ABTB3: variants seen among roughly 807,000 people sequenced by gnomAD.
The protein encoded by ABTB3 is ankyrin repeat and BTB domain containing 3.
chr12:107,624,451 A>G, the ABTB3 span, among the ~76,000 whole-genome samples: 1 of 152,000 alleles, frequency 6.6e-6, no homozygotes, highest in African/African-American at 2.4e-5. Context: ...AATTCCCATC[A>G]CCACAAGGAT....
At chr12:107,620,025 G>A in the ABTB3 span, 74 of 1,613,832 alleles carry the variant, frequency 4.6e-5, no homozygotes, top group East Asian at 3.1e-4. Context: ...GAGTCTTTGC[G>A]GATCGCCTTC....
the ABTB3 span, among the ~76,000 whole-genome samples, chr12:107,477,412 A>G: frequency 2.0e-5 from 3 of 152,260 alleles, no homozygotes; most frequent in Admixed American, 2.0e-4. Flanking sequence ...TGGCGCTAAG[A>G]CTTGCCCCTG....
chr12:107,401,152 A>G, the ABTB3 span, among the ~76,000 whole-genome samples: 14 of 152,164 alleles, frequency 9.2e-5, no homozygotes, highest in African/African-American at 1.4e-4. Context: ...ATGTTTCCCA[A>G]TGGGTTCCTT....
the ABTB3 span, among the ~76,000 whole-genome samples, chr12:107,543,658 C>G: frequency 8.5e-4 from 130 of 152,174 alleles, no homozygotes; most frequent in Middle Eastern, 0.017. Context: ...AAAGGGCTTC[C>G]TGAGCCTTGT....
the ABTB3 span, among the ~76,000 whole-genome samples, chr12:107,420,828 C>T: frequency 5.3e-5 from 8 of 152,286 alleles, no homozygotes; most frequent in African/African-American, 1.9e-4. Context: ...TGAGTATTGA[C>T]TTTAAGTATG....
At chr12:107,521,750 G>A in the ABTB3 span, among the ~76,000 whole-genome samples, 2 of 150,188 alleles carry the variant, frequency 1.3e-5, no homozygotes, top group African/African-American at 4.9e-5. Flanking sequence ...AGCACAAGAG[G>A]TTTACCACAG....
the ABTB3 span, among the ~76,000 whole-genome samples, chr12:107,472,414 A>C: frequency 6.6e-6 from 1 of 152,144 alleles, no homozygotes; most frequent in African/African-American, 2.4e-5. Context: ...AAGCTCAACA[A>C]GCTATAGGGA....
chr12:107,347,953 G>A, the ABTB3 span, among the ~76,000 whole-genome samples: 148 of 152,084 alleles, frequency 9.7e-4, 1 homozygote, highest in African/African-American at 3.5e-3. Context: ...CAGAGATGGA[G>A]GAACAGGCTT....
chr12:107,332,499 C>T, the ABTB3 span, among the ~76,000 whole-genome samples: 8 of 152,162 alleles, frequency 5.3e-5, no homozygotes, highest in East Asian at 1.9e-4. Context: ...CCCTGGTTCT[C>T]GGTGCCTGTT....
At chr12:107,566,477 A>G in the ABTB3 span, among the ~76,000 whole-genome samples, 3 of 152,230 alleles carry the variant, frequency 2.0e-5, no homozygotes, top group Non-Finnish European at 4.4e-5. Flanking sequence ...ATTACTAAAC[A>G]AAGATAGCAA....
chr12:107,407,488 A>G, the ABTB3 span, among the ~76,000 whole-genome samples: 25,054 of 152,100 alleles, frequency 0.16, 4,034 homozygotes, highest in East Asian at 0.42. Flanking sequence ...ACGTGTGTCC[A>G]GCAGCTACCA....
At chr12:107,375,563 C>G in the ABTB3 span, among the ~76,000 whole-genome samples, 1 of 152,152 alleles carries the variant, frequency 6.6e-6, no homozygotes, top group African/African-American at 2.4e-5. Context: ...GGGAGAAGAC[C>G]GGGGGCCCGG....
the ABTB3 span, among the ~76,000 whole-genome samples, chr12:107,508,623 T>C: frequency 6.6e-6 from 1 of 151,590 alleles, no homozygotes; most frequent in African/African-American, 2.4e-5. Flanking sequence ...CCCGGCCAAT[T>C]TTTTGTATTT....
At chr12:107,635,384 C>T in the ABTB3 span, 4 of 1,613,712 alleles carry the variant, frequency 2.5e-6, no homozygotes, top group Non-Finnish European at 2.5e-6. Context: ...ACAGACCTCG[C>T]GCTTGGGTGA....
chr12:107,515,129 C>T, the ABTB3 span, among the ~76,000 whole-genome samples: 7 of 152,116 alleles, frequency 4.6e-5, no homozygotes, highest in East Asian at 1.3e-3. Flanking sequence ...TATGACCTGC[C>T]GAAAGTCAAA....
chr12:107,620,917 T>C, the ABTB3 span, among the ~76,000 whole-genome samples: 90 of 152,302 alleles, frequency 5.9e-4, 1 homozygote, highest in African/African-American at 2.1e-3. Context: ...TCTCACCTCT[T>C]TGCCCCAGAA....
the ABTB3 span, among the ~76,000 whole-genome samples, chr12:107,382,823 G>T: frequency 6.6e-6 from 1 of 152,080 alleles, no homozygotes; most frequent in Non-Finnish European, 1.5e-5. Context: ...GATGGGTTGA[G>T]GGGTGCAACA....
the ABTB3 span, among the ~76,000 whole-genome samples, chr12:107,618,978 G>A: frequency 6.6e-6 from 1 of 152,196 alleles, no homozygotes; most frequent in Admixed American, 6.5e-5. Flanking sequence ...TCTCCTCCAT[G>A]TGTCTGGGGA....
chr12:107,391,377 G>C, the ABTB3 span, among the ~76,000 whole-genome samples: 2 of 152,186 alleles, frequency 1.3e-5, no homozygotes, highest in African/African-American at 4.8e-5. Context: ...ACCACCTCTT[G>C]TAAGGGAGGC....
Sources: gnomAD v4.1 joint callset for allele counts (sites outside exome capture counted in the v4.1 genomes callset) on GRCh38, gnomAD v4.1.1 for gene constraint, MANE v1.5 for transcripts, NCBI Gene and HGNC (gene_info 2026-07-23, HGNC 2026-07-21) for gene names.